Variants in EYA4 observed in about 807,000 individuals in gnomAD.
EYA4 encodes the protein EYA transcriptional coactivator and phosphatase 4.
Under a neutral mutation model 87.9 loss-of-function variants are expected in EYA4, and 31 were observed. The observed-to-expected ratio is 0.35, with a 90% CI of 0.27 to 0.48. The LOEUF (loss-of-function observed/expected upper bound fraction) is 0.48. Ranked by LOEUF, EYA4 falls within the 20% of genes least tolerant of loss-of-function variation. The pLI, the probability that EYA4 is intolerant of heterozygous loss-of-function variation, is 0.99. For missense variants in EYA4, 678 were observed against 761.4 expected, an observed-to-expected ratio of 0.89 and a Z score of 1.29; for synonymous variants, 263 against 270.6, an observed-to-expected ratio of 0.97 and a Z score of 0.28.
chr6:133,368,011 A>G (rs1176566153), intron 2 of EYA4, among the ~76,000 whole-genome samples: 1 of 152,178 alleles, frequency 6.6e-6, no homozygotes, highest in Admixed American at 6.5e-5. Flanking sequence ...TGCTGGAACC[A>G]GAAGGGCATC....
At chr6:133,285,355 GA>G (rs995726272) in intron 2 of EYA4, among the ~76,000 whole-genome samples, 3 of 152,120 alleles carry the variant, frequency 2.0e-5, no homozygotes, top group African/African-American at 7.2e-5. Context: ...GATATCTGGG[GA>G]AAGTGGGTTT....
At chr6:133,357,369 G>A (rs1000573508) in intron 2 of EYA4, among the ~76,000 whole-genome samples, 2 of 151,838 alleles carry the variant, frequency 1.3e-5, no homozygotes, top group Admixed American at 1.3e-4. Flanking sequence ...AAGAAAAGGG[G>A]GGACCTTTGT....
intron 2 of EYA4, among the ~76,000 whole-genome samples, chr6:133,362,873 G>A (rs1784558866): frequency 6.6e-6 from 1 of 152,194 alleles, no homozygotes; most frequent in South Asian, 2.1e-4. Context: ...CTTCTTTAAG[G>A]AGGAAAGAAT....
chr6:133,314,097 A>C (rs1319577980), intron 2 of EYA4, among the ~76,000 whole-genome samples: 2 of 152,198 alleles, frequency 1.3e-5, no homozygotes, highest in Non-Finnish European at 2.9e-5. Flanking sequence ...CTATCAATGG[A>C]GGTACATATG....
intron 2 of EYA4, among the ~76,000 whole-genome samples, chr6:133,340,064 C>T (rs1211829676): frequency 6.6e-6 from 1 of 152,072 alleles, no homozygotes; most frequent in African/African-American, 2.4e-5. Context: ...GGTGAAAAGA[C>T]TTAAAAGAGA....
At chr6:133,242,094 G>A (rs1047789210) in intron 1 of EYA4, among the ~76,000 whole-genome samples, 2 of 152,242 alleles carry the variant, frequency 1.3e-5, no homozygotes, top group African/African-American at 4.8e-5. Context: ...CCAGCGCGCG[G>A]CTTCTACCTG....
intron 2 of EYA4, among the ~76,000 whole-genome samples, chr6:133,380,940 TTCCTCTTCTCCCTC>T (rs1282749582): frequency 6.8e-6 from 1 of 147,036 alleles, no homozygotes; most frequent in East Asian, 2.1e-4. Context: ...TCCTCCTTTC[TTCCTCTTCTCCCTC>T]TCCTCCTCCT....
chr6:133,280,929 T>A (rs546886689), intron 2 of EYA4, among the ~76,000 whole-genome samples: 1 of 152,264 alleles, frequency 6.6e-6, no homozygotes, highest in Admixed American at 6.5e-5. Flanking sequence ...TCTCTATGGA[T>A]TTGCCTATTC....
intron 1 of EYA4, among the ~76,000 whole-genome samples, chr6:133,253,836 T>C (rs889316185): frequency 6.6e-6 from 1 of 152,100 alleles, no homozygotes; most frequent in East Asian, 1.9e-4. Flanking sequence ...GTCTGTCTTC[T>C]AGAGAGACTA....
At chr6:133,307,422 A>G (rs1779894782) in intron 2 of EYA4, among the ~76,000 whole-genome samples, 1 of 152,176 alleles carries the variant, frequency 6.6e-6, no homozygotes, top group African/African-American at 2.4e-5. Context: ...GACAGTTTGA[A>G]AGGAATAATT....
At chr6:133,486,134 TA>T (rs1237433694) in intron 13 of EYA4, among the ~76,000 whole-genome samples, 3 of 152,230 alleles carry the variant, frequency 2.0e-5, no homozygotes, top group African/African-American at 4.8e-5. Flanking sequence ...TTTTAGGCTA[TA>T]TTTTTTTTAA....
At chr6:133,503,922 A>AT (rs1188325998) in intron 13 of EYA4, among the ~76,000 whole-genome samples, 2 of 151,630 alleles carry the variant, frequency 1.3e-5, no homozygotes, top group African/African-American at 2.4e-5. Context: ...ACTTATTAAT[A>AT]TTTTTTTTCT....
chr6:133,269,084 C>A (rs1235187671), intron 1 of EYA4, among the ~76,000 whole-genome samples: 2 of 152,100 alleles, frequency 1.3e-5, no homozygotes, highest in Non-Finnish European at 2.9e-5. Flanking sequence ...CATGGTGAGA[C>A]CCTGTCTCTA....
intron 2 of EYA4, among the ~76,000 whole-genome samples, chr6:133,380,645 A>T (rs1367031080): frequency 1.3e-5 from 2 of 152,188 alleles, no homozygotes; most frequent in Non-Finnish European, 2.9e-5. Flanking sequence ...GTGATAAATC[A>T]TAGGCAAGAA....
chr6:133,490,241 CAAG>C (rs942796599), intron 13 of EYA4, among the ~76,000 whole-genome samples: 42 of 151,428 alleles, frequency 2.8e-4, no homozygotes, highest in African/African-American at 9.0e-4. Context: ...AAAAGGAAGA[CAAG>C]AAGAAGGAAG....
chr6:133,490,384 A>T (rs598699), intron 13 of EYA4, among the ~76,000 whole-genome samples: 48,896 of 141,878 alleles, frequency 0.34, 9,694 homozygotes, highest in Non-Finnish European at 0.44. Flanking sequence ...TGAATAGATT[A>T]AAAAAAAACA....
At chr6:133,320,944 G>A (rs1420238908) in intron 2 of EYA4, among the ~76,000 whole-genome samples, 1 of 152,186 alleles carries the variant, frequency 6.6e-6, no homozygotes, top group East Asian at 1.9e-4. Flanking sequence ...ATGGTCTAAG[G>A]GTGGGTGGCT....
At chr6:133,528,295 CA>C (rs1341471081) in intron 19 of EYA4, among the ~76,000 whole-genome samples, 1 of 151,994 alleles carries the variant, frequency 6.6e-6, no homozygotes, top group East Asian at 1.9e-4. Flanking sequence ...CCTAGATTAA[CA>C]AAATTAAGAA....
At chr6:133,263,632 T>C (rs1775973954) in intron 1 of EYA4, among the ~76,000 whole-genome samples, 1 of 152,206 alleles carries the variant, frequency 6.6e-6, no homozygotes, top group Non-Finnish European at 1.5e-5. Context: ...GATATGCATC[T>C]GTGGGAGGGA....
Sources: gnomAD v4.1 joint callset for allele counts (sites outside exome capture counted in the v4.1 genomes callset) on GRCh38, gnomAD v4.1.1 for gene constraint, MANE v1.5 for transcripts, NCBI Gene and HGNC (gene_info 2026-07-23, HGNC 2026-07-21) for gene names.